CDH18: variants seen among roughly 807,000 people sequenced by gnomAD.
CDH18 encodes cadherin 18.
Under a neutral mutation model 67.9 loss-of-function variants are expected in CDH18, and 31 were observed. The observed-to-expected ratio is 0.46, with a 90% CI of 0.34 to 0.62. The LOEUF (loss-of-function observed/expected upper bound fraction) is 0.62. CDH18 is among the 20% of genes least tolerant of loss of function. The pLI is 0.01. For synonymous variants in CDH18, 362 were observed against 347.2 expected, an observed-to-expected ratio of 1.04 and a Z score of -0.48; for missense variants, 890 against 975.5, an observed-to-expected ratio of 0.91 and a Z score of 1.17.
chr5:20,098,815 G>T (rs938197034), intron 2 of CDH18, among the ~76,000 whole-genome samples: 2 of 151,826 alleles, frequency 1.3e-5, no homozygotes, highest in African/African-American at 4.8e-5. Flanking sequence ...TAAAACAAAG[G>T]TTTTTGCTAT....
intron 2 of CDH18, among the ~76,000 whole-genome samples, chr5:20,053,308 C>A (rs545745807): frequency 6.6e-6 from 1 of 151,242 alleles, no homozygotes; most frequent in South Asian, 2.1e-4. Flanking sequence ...GTATATATAG[C>A]ATACATACAC....
chr5:19,621,764 C>G (rs969589647), intron 5 of CDH18, among the ~76,000 whole-genome samples: 5 of 152,140 alleles, frequency 3.3e-5, no homozygotes, highest in Non-Finnish European at 7.3e-5. Flanking sequence ...ACTGTGCCTA[C>G]AGTTAATGAT....
At chr5:20,295,197 C>A (rs2149952180) in intron 1 of CDH18, among the ~76,000 whole-genome samples, 1 of 152,138 alleles carries the variant, frequency 6.6e-6, no homozygotes, top group South Asian at 2.1e-4. Flanking sequence ...TCAATAAAAA[C>A]CAAGAAGTTT....
chr5:19,734,754 A>C (rs535985664), intron 4 of CDH18, among the ~76,000 whole-genome samples: 18 of 152,058 alleles, frequency 1.2e-4, no homozygotes, highest in African/African-American at 4.3e-4. Flanking sequence ...GTGCTCTAGG[A>C]ATTTTTGGAA....
At chr5:19,741,379 C>G (rs1380715554) in intron 4 of CDH18, among the ~76,000 whole-genome samples, 2 of 149,306 alleles carry the variant, frequency 1.3e-5, no homozygotes, top group South Asian at 2.1e-4. Flanking sequence ...ACAGCCAGTA[C>G]CTTACTAGGA....
chr5:20,352,178 A>C (rs1199810283), intron 1 of CDH18, among the ~76,000 whole-genome samples: 2 of 152,154 alleles, frequency 1.3e-5, no homozygotes, highest in Non-Finnish European at 2.9e-5. Context: ...TGCAACTCTG[A>C]GACAGTAAGA....
At chr5:20,108,035 C>T (rs1277076050) in intron 2 of CDH18, among the ~76,000 whole-genome samples, 1 of 151,238 alleles carries the variant, frequency 6.6e-6, no homozygotes, top group African/African-American at 2.4e-5. Context: ...GGTCCATCAC[C>T]TCATTTTACA....
intron 11 of CDH18, among the ~76,000 whole-genome samples, chr5:19,484,090 G>GT (rs913369813): frequency 1.3e-5 from 2 of 152,182 alleles, no homozygotes; most frequent in African/African-American, 4.8e-5. Flanking sequence ...ATTTGAAGCT[G>GT]TATTGTTTGA....
chr5:20,041,723 A>G (rs1303793622), intron 2 of CDH18, among the ~76,000 whole-genome samples: 2 of 152,242 alleles, frequency 1.3e-5, no homozygotes, highest in Non-Finnish European at 2.9e-5. Flanking sequence ...TCTTTTAAAC[A>G]GCAAATATTT....
chr5:20,466,996 A>G (rs2150232543), intron 1 of CDH18, among the ~76,000 whole-genome samples: 1 of 152,262 alleles, frequency 6.6e-6, no homozygotes, highest in South Asian at 2.1e-4. Flanking sequence ...TATGAAATGG[A>G]TAATGTCAGA....
chr5:19,483,636 A>T (rs1739873794), intron 11 of CDH18, 84 bp from the exon 12 acceptor site: 1 of 1,369,478 alleles, frequency 7.3e-7, no homozygotes, highest in African/African-American at 1.4e-5. Context: ...TAAAATGGGG[A>T]TGTGTATCTT....
At chr5:20,301,139 C>T (rs764801666) in intron 1 of CDH18, among the ~76,000 whole-genome samples, 7 of 152,062 alleles carry the variant, frequency 4.6e-5, no homozygotes, top group Non-Finnish European at 8.8e-5. Flanking sequence ...TGCTTCCTTA[C>T]AAGGTCAGAG....
At position 20,252,798 on chromosome 5, in the gene CDH18, G is replaced by A. The variant is rs556487044; in HGVS notation, c.-518+2646C>T. Among the ~76,000 whole-genome samples the A allele has an allele frequency of 7.9e-5, 12 of 151,986 alleles. No individual in the cohort carries two copies. In the East Asian group the frequency reaches 1.8e-3, roughly 22 times the overall value. ...TAAAATTACAAAACATTAGCCGGGC[G>A]TGGTGGTGGGCGCCTGTAGTCCCAA... is the stretch of plus-strand genomic sequence containing the variant. On this transcript the variant is annotated intron_variant, in intron 2 of 14. Transcript: ENST00000507958.
upstream of CDH18, among the ~76,000 whole-genome samples, chr5:19,993,135 T>C (rs1486270165): frequency 6.6e-6 from 1 of 152,094 alleles, no homozygotes; most frequent in Non-Finnish European, 1.5e-5. Flanking sequence ...TAAAGGATCT[T>C]GAAAAACTTG....
chr5:19,718,874 A>G (rs1765658516), intron 5 of CDH18, among the ~76,000 whole-genome samples: 1 of 152,002 alleles, frequency 6.6e-6, no homozygotes, highest in Admixed American at 6.6e-5. Flanking sequence ...CACTTGAGAT[A>G]AACTTATTTT....
At chr5:20,167,277 A>C (rs1408503197) in intron 2 of CDH18, among the ~76,000 whole-genome samples, 1 of 152,160 alleles carries the variant, frequency 6.6e-6, no homozygotes, top group Non-Finnish European at 1.5e-5. Flanking sequence ...CATGGAAAGA[A>C]TGTTGGCACA....
upstream of CDH18, among the ~76,000 whole-genome samples, chr5:19,992,753 A>C (rs1339206943): frequency 7.3e-6 from 1 of 136,372 alleles, no homozygotes; most frequent in East Asian, 2.4e-4. Context: ...GACTGGAAAT[A>C]GAAAAAAAAA....
chr5:20,068,063 A>C (rs73762489), intron 2 of CDH18, among the ~76,000 whole-genome samples: 4,076 of 152,070 alleles, frequency 0.027, 94 homozygotes, highest in African/African-American at 0.056. Context: ...GTCCCAATAC[A>C]CACTTTCAAC....
At chr5:20,427,233 G>T in intron 1 of CDH18, among the ~76,000 whole-genome samples, 1 of 151,104 alleles carries the variant, frequency 6.6e-6, no homozygotes, top group South Asian at 2.1e-4. Flanking sequence ...TCCTAAATTT[G>T]CTCTATTTAT....
Sources: gnomAD v4.1 joint callset for allele counts (sites outside exome capture counted in the v4.1 genomes callset) on GRCh38, gnomAD v4.1.1 for gene constraint, MANE v1.5 for transcripts, NCBI Gene and HGNC (gene_info 2026-07-23, HGNC 2026-07-21) for gene names.